Variants in PACC1 observed in about 807,000 individuals in gnomAD.
PACC1 encodes proton-activated chloride channel.
PACC1 carries 34 observed loss-of-function variants against 39.7 expected under a neutral mutation model. The observed-to-expected ratio is 0.86, with a 90% CI of 0.65 to 1.14. The LOEUF (loss-of-function observed/expected upper bound fraction) is 1.14, where lower values mean the gene tolerates loss of function less well. Among genes scored for constraint, PACC1 ranks in the 50% most tolerant of loss-of-function variants. PACC1 has a pLI of 0.00. For synonymous variants in PACC1, 127 were observed against 160.6 expected (o/e 0.79, Z 1.58); for missense variants, 379 against 436.4 (o/e 0.87, Z 1.17).
chr1:212,414,075 C>T (rs899073721), intron 1 of PACC1: 2 of 1,533,566 alleles, frequency 1.3e-6, no homozygotes, highest in Non-Finnish European at 1.7e-6. Context: ...GCGCTGGACG[C>T]ACAGCCTGCA....
chr1:212,414,641 C>T (rs1301911303), intron 1 of PACC1, 81 bp downstream of exon 1: 2 of 1,554,830 alleles, frequency 1.3e-6, no homozygotes, highest in Non-Finnish European at 1.8e-6. Context: ...GCCCCGACAC[C>T]CCCCGCCCCG....
intron 1 of PACC1, 55 bp from the exon 2 acceptor site, chr1:212,410,576 T>C: frequency 6.7e-7 from 1 of 1,481,730 alleles, no homozygotes; most frequent in Non-Finnish European, 9.4e-7. Context: ...GCCTTGCTTT[T>C]CTACACTAGA....
At position 212,406,979 on chromosome 1, in the gene PACC1, G is replaced by A. The variant is rs78686551; in HGVS notation, c.133+3446C>T. 7.3e-3 allele frequency among the ~76,000 whole-genome samples: 1,106 copies of A among 152,318 alleles called. 30 individuals are homozygous for A. The highest frequency in any genetic ancestry group is 0.06 in the East Asian group (309 of 5,184). On this transcript the variant is annotated intron_variant, in intron 2 of 7. Transcript: ENST00000261455. ...TGCACTTCTGGTTGGGGGCAAGAGG[G>A]TAGTGCAAGGTGTGGTAGGCAGAAT...
chr1:212,402,562 T>C (rs1661755147), intron 2 of PACC1, among the ~76,000 whole-genome samples: 1 of 152,236 alleles, frequency 6.6e-6, no homozygotes. Context: ...TAAATACCAG[T>C]CCCTTATCAG....
chr1:212,380,702 T>C (rs1465126806), intron 4 of PACC1, among the ~76,000 whole-genome samples: 5 of 152,174 alleles, frequency 3.3e-5, no homozygotes, highest in African/African-American at 9.7e-5. Flanking sequence ...CTTCTGGCCC[T>C]AGCAGAGCCC....
chr1:212,401,478 T>C (rs1661708373), intron 2 of PACC1, among the ~76,000 whole-genome samples: 1 of 151,734 alleles, frequency 6.6e-6, no homozygotes, highest in South Asian at 2.1e-4. Context: ...ATACAAAAAG[T>C]AGCTGGTTGT....
chr1:212,389,395 G>T (rs1086892), intron 2 of PACC1, among the ~76,000 whole-genome samples: 120,172 of 152,148 alleles, frequency 0.79, 48,483 homozygotes, highest in African/African-American at 0.94. Flanking sequence ...GCTAATGCAG[G>T]GGAGATAGGA....
chr1:212,399,492 C>CA (rs1456046647), intron 2 of PACC1, among the ~76,000 whole-genome samples: 1 of 151,734 alleles, frequency 6.6e-6, no homozygotes, highest in Non-Finnish European at 1.5e-5. Context: ...GACACGGTCT[C>CA]ACTCTGTCAC....
chr1:212,375,901 TTAAAAA>T (rs1660647962), intron 6 of PACC1, among the ~76,000 whole-genome samples: 1 of 151,954 alleles, frequency 6.6e-6, no homozygotes, highest in Admixed American at 6.6e-5. Flanking sequence ...AAATAAAATA[TTAAAAA>T]TAAACCATAT....
intron 2 of PACC1, among the ~76,000 whole-genome samples, chr1:212,394,317 C>G (rs1661434469): frequency 6.6e-6 from 1 of 152,154 alleles, no homozygotes; most frequent in Non-Finnish European, 1.5e-5. Context: ...TGCATATAAA[C>G]AAAACCAAAG....
intron 7 of PACC1, among the ~76,000 whole-genome samples, chr1:212,374,127 G>A (rs1167772821): frequency 1.3e-5 from 2 of 151,472 alleles, no homozygotes; most frequent in Non-Finnish European, 2.9e-5. Context: ...ATTCACAACA[G>A]CCAAGATATG....
At chr1:212,374,585 T>C (rs1660579748) in intron 7 of PACC1, among the ~76,000 whole-genome samples, 1 of 152,252 alleles carries the variant, frequency 6.6e-6, no homozygotes. Context: ...ATGTTTGAGA[T>C]GATGGATAAC....
rs927783018 is a variant in PACC1, at chr1:212,414,171, A to G, written c.36+551T>C. 9 of 1,357,404 alleles carry G rather than the reference A, an allele frequency of 6.6e-6. No homozygotes were observed. The African/African-American group carries it at 1.3e-4, about 20-fold the overall frequency. The allele number at this position is 1,357,404 out of a possible 1,614,324, so 84.1% of individuals were successfully genotyped here. On this transcript the variant is annotated intron_variant, in intron 1 of 7. Coordinates refer to ENST00000261455, the MANE Select transcript of PACC1 (RefSeq NM_018252.3). The stretch of plus-strand genomic sequence containing the variant: ...CTGGAGGGAGAGACGAAGAGGAGCG[A>G]GAACTAGCAGAGTCCATGAAGGCAC...
Position 212,377,651 on chromosome 1 carries a change from A to G in PACC1, c.694T>C (p.Phe232Leu). 1 of 1,614,156 alleles carries G rather than the reference A, an allele frequency of 6.2e-7. No individual in the cohort carries two copies. The highest frequency in any genetic ancestry group is 8.5e-7 in the Non-Finnish European group (1 of 1,179,996). The stretch of plus-strand genomic sequence containing the variant: ...ACCCAGGTGCGGAAGCCCCCAGAGA[A>G]CTTCCAGCTGGAATAGGCACTCTCA... Reference protein sequence around the residue: ...ACESAYSSWKFSGGFRTWVKM... With the variant: ...ACESAYSSWKLSGGFRTWVKM... Residue 232 changes from phenylalanine to leucine, a missense_variant, in exon 6 of 8, where the codon TTC becomes CTC. By Grantham distance (22) the Phe-to-Leu change is conservative. Transcript: ENST00000261455.
Position 212,365,323 on chromosome 1 carries a change from CAAG to C in PACC1, c.942_944del (p.Phe314del). The C allele has an allele frequency of 6.2e-7, 1 of 1,612,900 alleles. No homozygotes were observed. Among genetic ancestry groups the C allele is most frequent in the Non-Finnish European group, 8.5e-7 (1 of 1,179,654 alleles). On this transcript the variant is annotated inframe_deletion, in exon 8 of 8. Coordinates refer to ENST00000261455, the MANE Select transcript of PACC1 (RefSeq NM_018252.3). Reference sequence around the variant, plus strand: ...CAAACTCTGCTGCTTTAAATAATGCCAAGAAGGCGCCACAGAGAAGAGCAATTG... The same window carrying C: ...CAAACTCTGCTGCTTTAAATAATGCCAAGGCGCCACAGAGAAGAGCAATTG...
intron 6 of PACC1, among the ~76,000 whole-genome samples, chr1:212,375,800 G>A (rs547845325): frequency 4.6e-5 from 7 of 152,220 alleles, no homozygotes; most frequent in East Asian, 1.9e-4. Flanking sequence ...CAGGAGAATC[G>A]CTTGAATCTG....
At chr1:212,382,496 A>G (rs1228291292) in intron 4 of PACC1, among the ~76,000 whole-genome samples, 1 of 152,212 alleles carries the variant, frequency 6.6e-6, no homozygotes, top group East Asian at 1.9e-4. Flanking sequence ...TTGGTAAAAA[A>G]TAACTACCAT....
At chr1:212,411,380 A>G (rs1395257618) in intron 1 of PACC1, among the ~76,000 whole-genome samples, 3 of 152,224 alleles carry the variant, frequency 2.0e-5, no homozygotes, top group Admixed American at 6.5e-5. Flanking sequence ...ATGGCAGAAC[A>G]CAGCAGGAAG....
At chr1:212,365,463 CTCT>C in intron 7 of PACC1, 87 bp from the exon 8 acceptor site, 1 of 1,361,516 alleles carries the variant, frequency 7.3e-7, no homozygotes, top group South Asian at 1.5e-5. Flanking sequence ...TGGAGTTTCG[CTCT>C]TGTCACCCAG....
Sources: allele counts gnomAD v4.1 joint callset (sites outside exome capture counted in the v4.1 genomes callset), GRCh38; gene constraint gnomAD v4.1.1; transcripts MANE v1.5; gene names NCBI Gene and HGNC (gene_info 2026-07-23, HGNC 2026-07-21).